TRIQK: variants seen among roughly 807,000 people sequenced by gnomAD.
TRIQK encodes the protein triple QxxK/R motif containing, also known as triple QxxK/R motif-containing protein.
In TRIQK, 10 loss-of-function variants were observed where a neutral mutation model predicts 10.8. That is an observed-to-expected ratio of 0.92 (90% CI 0.57 to 1.57). The LOEUF (loss-of-function observed/expected upper bound fraction) is 1.57. TRIQK is among the 40% of genes most tolerant of loss of function. TRIQK has a pLI of 0.00. For missense variants in TRIQK, 107 were observed against 97.7 expected (o/e 1.09, Z -0.40); for synonymous variants, 33 against 33.7 (o/e 0.98, Z 0.07).
At chr8:92,978,382 T>G (rs1375053927) in intron 1 of TRIQK, among the ~76,000 whole-genome samples, 1 of 152,170 alleles carries the variant, frequency 6.6e-6, no homozygotes, top group Non-Finnish European at 1.5e-5. Context: ...TTAATAGATG[T>G]TGTCCAAATT....
intron 2 of TRIQK, among the ~76,000 whole-genome samples, chr8:92,947,257 T>TAC (rs2130641019): frequency 6.6e-6 from 1 of 151,830 alleles, no homozygotes; most frequent in East Asian, 2.0e-4. Context: ...TATATATATA[T>TAC]ATATACACTC....
intron 1 of TRIQK, among the ~76,000 whole-genome samples, chr8:92,980,698 T>C (rs959632094): frequency 5.9e-5 from 9 of 152,014 alleles, no homozygotes; most frequent in African/African-American, 2.4e-5. Flanking sequence ...TTAAAATTAA[T>C]GGCATATAAT....
At chr8:93,000,513 C>T (rs1033159409) in intron 1 of TRIQK, among the ~76,000 whole-genome samples, 1 of 152,136 alleles carries the variant, frequency 6.6e-6, no homozygotes, top group South Asian at 2.1e-4. Context: ...GATTCAGTCA[C>T]CTCCCACCAT....
upstream of TRIQK, among the ~76,000 whole-genome samples, chr8:92,969,950 C>T (rs72677465): frequency 0.011 from 1,681 of 152,134 alleles, 19 homozygotes; most frequent in Middle Eastern, 0.02. Context: ...CTCTCCAAAT[C>T]CTCCCCTAGC....
At chr8:92,921,386 T>G (rs1002622430) in intron 2 of TRIQK, 6 of 151,938 alleles carry the variant, frequency 3.9e-5, no homozygotes, top group African/African-American at 1.4e-4. Flanking sequence ...CCTTTTTTTT[T>G]CCTCTGGGTA....
intron 1 of TRIQK, among the ~76,000 whole-genome samples, chr8:93,003,413 G>C (rs773651583): frequency 1.3e-5 from 2 of 151,696 alleles, no homozygotes; most frequent in Non-Finnish European, 2.9e-5. Context: ...CATGAGACCA[G>C]CAAGAGAGAA....
chr8:92,992,107 G>A (rs887654866), intron 1 of TRIQK, among the ~76,000 whole-genome samples: 3 of 152,074 alleles, frequency 2.0e-5, no homozygotes, highest in Non-Finnish European at 4.4e-5. Flanking sequence ...AGACTCTAGG[G>A]AGTCCTTTCA....
chr8:92,935,404 G>A lies in TRIQK; in HGVS notation c.-21-18394C>T, dbSNP rs577023792. On this transcript the variant is annotated intron_variant, in intron 2 of 4. Transcript: ENST00000521988. The stretch of plus-strand genomic sequence containing the variant: ...CGTGTTCATTCTGTGAAAATTCACC[G>A]TCTACATATTCTGTTTTGTGCACGT... Among the ~76,000 whole-genome samples, 33 of 151,554 alleles carry A rather than the reference G, an allele frequency of 2.2e-4. 1 individual carries two copies. The highest frequency in any genetic ancestry group is 1.5e-3 in the Admixed American group (23 of 15,206).
At chr8:92,931,382 C>A (rs1810715881) in intron 2 of TRIQK, among the ~76,000 whole-genome samples, 1 of 151,990 alleles carries the variant, frequency 6.6e-6, no homozygotes, top group African/African-American at 2.4e-5. Flanking sequence ...TACTGAAAAC[C>A]TTTTCTGAGT....
chr8:92,928,929 G>A (rs1359407931), intron 2 of TRIQK, among the ~76,000 whole-genome samples: 1 of 152,188 alleles, frequency 6.6e-6, no homozygotes, highest in African/African-American at 2.4e-5. Flanking sequence ...AAGTAGGCTA[G>A]AAAAATGCAG....
At chr8:92,983,425 G>C (rs1261359499) in intron 1 of TRIQK, among the ~76,000 whole-genome samples, 1 of 152,030 alleles carries the variant, frequency 6.6e-6, no homozygotes, top group East Asian at 1.9e-4. Flanking sequence ...AGTAGGCAGT[G>C]AAGCCTCTGT....
intron 3 of TRIQK, among the ~76,000 whole-genome samples, chr8:92,907,473 A>T (rs191306593): frequency 6.6e-6 from 1 of 152,222 alleles, no homozygotes; most frequent in Non-Finnish European, 1.5e-5. Flanking sequence ...CTCAAGGTAC[A>T]TAATCAACAG....
At chr8:92,994,332 A>C (rs182344510) in intron 1 of TRIQK, among the ~76,000 whole-genome samples, 1 of 151,234 alleles carries the variant, frequency 6.6e-6, no homozygotes, top group South Asian at 2.1e-4. Flanking sequence ...ATATATCCCT[A>C]GTGTCTATCT....
rs1268315002 is a variant in TRIQK at position 92,884,343 on chromosome 8, T to C, written c.*2279A>G. ...CCAGTTAATGTGAGTTTTGCAAAGT[T>C]TGCATTTCATGAAAACAGTGTTGTG... is the stretch of plus-strand genomic sequence containing the variant. On this transcript the variant is annotated 3_prime_UTR_variant, in exon 5 of 5. Coordinates refer to ENST00000521988, the MANE Select transcript of TRIQK (RefSeq NM_001171797.2). The C allele has an allele frequency of 6.4e-6, 1 of 155,136 alleles. No individual in the cohort carries two copies. The highest frequency in any genetic ancestry group is 6.3e-5 in the Admixed American group (1 of 15,770). 9.6% of individuals were successfully genotyped at this position (155,136 alleles called of 1,614,324 possible). A position where few individuals can be genotyped will look rare whatever the true frequency, so the allele number is the denominator to read the frequency against.
At chr8:92,899,709 C>T (rs1045105463) in intron 3 of TRIQK, among the ~76,000 whole-genome samples, 7 of 152,158 alleles carry the variant, frequency 4.6e-5, no homozygotes, top group Admixed American at 2.0e-4. Context: ...CTGCAATAAA[C>T]GTAGGAGTGT....
At chr8:92,946,994 T>A (rs1265306376) in intron 2 of TRIQK, among the ~76,000 whole-genome samples, 1 of 151,582 alleles carries the variant, frequency 6.6e-6, no homozygotes, top group Non-Finnish European at 1.5e-5. Context: ...GTCGATCTCC[T>A]GACCTCGTGA....
chr8:92,905,898 T>A (rs2130377807), intron 3 of TRIQK, among the ~76,000 whole-genome samples: 1 of 152,312 alleles, frequency 6.6e-6, no homozygotes, highest in Middle Eastern at 3.4e-3. Flanking sequence ...GATAGAGAAC[T>A]GACTACCTTG....
At chr8:92,927,348 G>C (rs539912946) in intron 2 of TRIQK, among the ~76,000 whole-genome samples, 2 of 152,098 alleles carry the variant, frequency 1.3e-5, no homozygotes, top group South Asian at 4.1e-4. Context: ...AGGAAGTGAA[G>C]ACAGTAGTGG....
At chr8:92,906,306 T>C (rs1470926480) in intron 3 of TRIQK, among the ~76,000 whole-genome samples, 1 of 152,202 alleles carries the variant, frequency 6.6e-6, no homozygotes, top group Non-Finnish European at 1.5e-5. Context: ...AGGTAATTTA[T>C]GCTGGTTATC....
Sources: gnomAD v4.1 joint callset for allele counts (sites outside exome capture counted in the v4.1 genomes callset) on GRCh38, gnomAD v4.1.1 for gene constraint, MANE v1.5 for transcripts, NCBI Gene and HGNC (gene_info 2026-07-23, HGNC 2026-07-21) for gene names.